ADGRB3: variants seen among roughly 807,000 people sequenced by gnomAD.
ADGRB3 encodes the protein adhesion G protein-coupled receptor B3, also known as brain-specific angiogenesis inhibitor 3.
In ADGRB3, 37 loss-of-function variants were observed where a neutral mutation model predicts 193.4. The observed-to-expected ratio is 0.19, with a 90% CI of 0.15 to 0.25. The LOEUF is 0.25. Among genes scored for constraint, ADGRB3 ranks in the 10% least tolerant of loss-of-function variants. ADGRB3 has a pLI of 1.00. For synonymous variants in ADGRB3, 690 were observed against 644.2 expected, an observed-to-expected ratio of 1.07 and a Z score of -1.08; for missense variants, 1,637 against 1,852.9, an observed-to-expected ratio of 0.88 and a Z score of 2.14.
chr6:68,826,556 G>C (rs747860259), intron 3 of ADGRB3, among the ~76,000 whole-genome samples: 5 of 152,180 alleles, frequency 3.3e-5, no homozygotes, highest in Non-Finnish European at 7.3e-5. Context: ...AATGCTTCCA[G>C]AATAGAAGTG....
chr6:68,883,732 A>G (rs536246091), intron 3 of ADGRB3, among the ~76,000 whole-genome samples: 63 of 152,332 alleles, frequency 4.1e-4, no homozygotes, highest in African/African-American at 1.2e-3. Flanking sequence ...ATGTTTGAAC[A>G]TGAGAAGGAA....
At chr6:69,199,907 T>G (rs966296999) in intron 17 of ADGRB3, among the ~76,000 whole-genome samples, 3 of 152,104 alleles carry the variant, frequency 2.0e-5, no homozygotes, top group African/African-American at 7.2e-5. Context: ...CTTAAAACCT[T>G]TATAGCCTTG....
At chr6:68,687,080 A>T (rs986162083) in intron 3 of ADGRB3, among the ~76,000 whole-genome samples, 2 of 152,114 alleles carry the variant, frequency 1.3e-5, no homozygotes, top group Non-Finnish European at 2.9e-5. Context: ...TATGTATCAT[A>T]TATGGATATA....
chr6:69,028,864 T>A (rs1048476660), intron 13 of ADGRB3, among the ~76,000 whole-genome samples: 16 of 152,204 alleles, frequency 1.1e-4, no homozygotes, highest in African/African-American at 3.9e-4. Context: ...CTTTTATTCC[T>A]CAAGCTTTCT....
At chr6:68,724,649 G>A (rs948527145) in intron 3 of ADGRB3, among the ~76,000 whole-genome samples, 5 of 143,484 alleles carry the variant, frequency 3.5e-5, no homozygotes, top group Non-Finnish European at 1.5e-5. Context: ...GACAGTCTAA[G>A]CACAAAAACC....
chr6:68,895,372 T>A (rs576971668), intron 3 of ADGRB3, among the ~76,000 whole-genome samples: 52 of 152,086 alleles, frequency 3.4e-4, no homozygotes, highest in Non-Finnish European at 1.8e-4. Flanking sequence ...GTATTTAGTG[T>A]ACAGGATTTT....
intron 3 of ADGRB3, among the ~76,000 whole-genome samples, chr6:68,905,236 G>C (rs956612920): frequency 6.6e-6 from 1 of 152,070 alleles, no homozygotes; most frequent in Non-Finnish European, 1.5e-5. Context: ...TATTCCTAAA[G>C]AACAATTATT....
In ADGRB3 at chr6:69,288,505, G is replaced by C. The variant is rs538101979; in HGVS notation, c.2815-36367G>C. Among the ~76,000 whole-genome samples the C allele has an allele frequency of 4.6e-5, 7 of 152,278 alleles. 1 individual carries two copies. The South Asian group carries it at 1.5e-3, about 32-fold the overall frequency. ...AACTTGGTTTCTGACAGTGCCTTTT[G>C]TACTGAAATTGAAACATTTTTCTGT... On this transcript the variant is annotated intron_variant, in intron 20 of 31. Transcript: ENST00000370598.
At chr6:68,786,318 A>T (rs1340629316) in intron 3 of ADGRB3, among the ~76,000 whole-genome samples, 1 of 152,036 alleles carries the variant, frequency 6.6e-6, no homozygotes, top group South Asian at 2.1e-4. Context: ...TCCATCTTGA[A>T]TTAATTTTTG....
chr6:68,919,210 T>C (rs1285639156), intron 3 of ADGRB3, among the ~76,000 whole-genome samples: 1 of 152,306 alleles, frequency 6.6e-6, no homozygotes, highest in East Asian at 1.9e-4. Flanking sequence ...ACCAAATGGG[T>C]TCAGCACAAT....
intron 15 of ADGRB3, among the ~76,000 whole-genome samples, chr6:69,060,527 G>T (rs1771717970): frequency 6.6e-6 from 1 of 151,760 alleles, no homozygotes; most frequent in Non-Finnish European, 1.5e-5. Flanking sequence ...TTCCAGTAAT[G>T]TATCCATTCA....
At chr6:68,972,810 A>G (rs1471986705) in intron 8 of ADGRB3, among the ~76,000 whole-genome samples, 1 of 152,240 alleles carries the variant, frequency 6.6e-6, no homozygotes, top group Non-Finnish European at 1.5e-5. Flanking sequence ...CAAAGAAAGA[A>G]TGCTCTGAGG....
intron 26 of ADGRB3, among the ~76,000 whole-genome samples, chr6:69,343,555 TA>T (rs1486146983): frequency 6.6e-6 from 1 of 152,104 alleles, no homozygotes; most frequent in Admixed American, 6.6e-5. Flanking sequence ...TATATTACAC[TA>T]AAAAAATTTG....
At chr6:69,255,013 C>T (rs1156672676) in intron 20 of ADGRB3, among the ~76,000 whole-genome samples, 15 of 150,242 alleles carry the variant, frequency 1.0e-4, no homozygotes, top group South Asian at 8.5e-4. Context: ...CAATTTCATC[C>T]ATGTCCCTAC....
intron 3 of ADGRB3, among the ~76,000 whole-genome samples, chr6:68,837,807 T>C (rs1768073882): frequency 1.3e-5 from 2 of 152,202 alleles, no homozygotes; most frequent in African/African-American, 4.8e-5. Context: ...GAGCCACCTG[T>C]GTACTTAGAC....
intron 26 of ADGRB3, among the ~76,000 whole-genome samples, chr6:69,342,148 C>A (rs1259568626): frequency 6.6e-6 from 1 of 152,050 alleles, no homozygotes; most frequent in Non-Finnish European, 1.5e-5. Context: ...TTAAATCAAT[C>A]ATATAATAAA....
chr6:69,263,864 A>T (rs1428870558), intron 20 of ADGRB3, among the ~76,000 whole-genome samples: 2 of 152,016 alleles, frequency 1.3e-5, no homozygotes, highest in African/African-American at 4.8e-5. Flanking sequence ...AAGCAAATAC[A>T]GTGATTAGCA....
chr6:69,128,947 C>T (rs3778238), intron 17 of ADGRB3, among the ~76,000 whole-genome samples: 97,151 of 152,026 alleles, frequency 0.64, 32,275 homozygotes, highest in East Asian at 0.95. Flanking sequence ...AGTCTTCAGG[C>T]AACCGATAGA....
chr6:69,138,359 T>C (rs994332367), intron 17 of ADGRB3, among the ~76,000 whole-genome samples: 3 of 152,232 alleles, frequency 2.0e-5, no homozygotes, highest in Non-Finnish European at 2.9e-5. Context: ...ATTCCCAAGC[T>C]GTTTTGTGGC....
Sources: allele counts gnomAD v4.1 joint callset (sites outside exome capture counted in the v4.1 genomes callset), GRCh38; gene constraint gnomAD v4.1.1; transcripts MANE v1.5; gene names NCBI Gene and HGNC (gene_info 2026-07-23, HGNC 2026-07-21).